Variants in FAM53A observed in about 807,000 individuals in gnomAD.
The protein encoded by FAM53A is family with sequence similarity 53 member A, also known as protein FAM53A.
A neutral mutation model predicts 26.6 loss-of-function variants in FAM53A; 28 were observed. The ratio of observed to expected loss-of-function variants is 1.05; its 90% CI spans 0.78 to 1.45. FAM53A has a LOEUF of 1.45. FAM53A is among the 40% of genes most tolerant of loss of function. The pLI is 0.00. For missense variants in FAM53A, 650 were observed against 575.8 expected, an observed-to-expected ratio of 1.13 and a Z score of -1.32; for synonymous variants, 290 against 253.1, an observed-to-expected ratio of 1.15 and a Z score of -1.38.
intron 2 of FAM53A, among the ~76,000 whole-genome samples, chr4:1,663,089 C>G (rs919217587): frequency 6.6e-6 from 1 of 152,000 alleles, no homozygotes; most frequent in African/African-American, 2.4e-5. Flanking sequence ...GTCCCAGCTA[C>G]TTGGGAGGCT....
At chr4:1,606,654 C>T in the FAM53A span, among the ~76,000 whole-genome samples, 1 of 152,202 alleles carries the variant, frequency 6.6e-6, no homozygotes, top group South Asian at 2.1e-4. Context: ...GCATGGTGTC[C>T]CGAAGGTGCG....
chr4:1,645,165 A>G (rs146739759), intron 4 of FAM53A, among the ~76,000 whole-genome samples: 1 of 152,006 alleles, frequency 6.6e-6, no homozygotes, highest in African/African-American at 2.4e-5. Context: ...CAGGCAGCCA[A>G]GCAGAGCCAA....
At chr4:1,613,866 T>C (rs78487305), downstream of FAM53A, among the ~76,000 whole-genome samples, 1,805 of 152,306 alleles carry the variant, frequency 0.012, 30 homozygotes, top group African/African-American at 0.041. Flanking sequence ...AGGATCATTA[T>C]ATGGAGAACA....
chr4:1,624,325 G>A (rs1442740407), intron 1 of FAM53A, among the ~76,000 whole-genome samples: 1 of 152,208 alleles, frequency 6.6e-6, no homozygotes, highest in Non-Finnish European at 1.5e-5. Context: ...GTCAGGCGCT[G>A]TGTCAAGGGA....
At chr4:1,648,439 G>A (rs1712438697) in intron 4 of FAM53A, among the ~76,000 whole-genome samples, 1 of 152,122 alleles carries the variant, frequency 6.6e-6, no homozygotes, top group African/African-American at 2.4e-5. Flanking sequence ...AAGAGGGAGA[G>A]CAGGCAGCCC....
chr4:1,658,928 C>G (rs1266032457), intron 2 of FAM53A, among the ~76,000 whole-genome samples: 3 of 152,236 alleles, frequency 2.0e-5, no homozygotes, highest in East Asian at 1.9e-4. Context: ...GCTTTTTTGC[C>G]TTAGAGTTGT....
intron 1 of FAM53A, among the ~76,000 whole-genome samples, chr4:1,678,686 G>A (rs1279802764): frequency 6.6e-6 from 1 of 152,070 alleles, no homozygotes; most frequent in Non-Finnish European, 1.5e-5. Context: ...GCCAGGCGTG[G>A]TGGCGTACAT....
chr4:1,649,199 A>AGGGGC (rs1373782326), intron 4 of FAM53A, among the ~76,000 whole-genome samples: 1 of 142,884 alleles, frequency 7.0e-6, no homozygotes, highest in African/African-American at 2.6e-5. Flanking sequence ...GGGAAGGGGA[A>AGGGGC]AGGGAAAGGG....
chr4:1,655,552 A>G lies in FAM53A; in HGVS notation c.308T>C (p.Val103Ala). ...CGAGCCTGTGCTTTCACTGGGGTCC[A>G]CGGTGCTGGCTGCACCCAGGCCTGC... Reference protein sequence around the residue: ...PGAGLGAASTVDPSESTGSST... With the variant: ...PGAGLGAASTADPSESTGSST... The change falls in exon 4 of 5, where the codon GTG (valine) becomes GCG (alanine). Residue 103 changes from valine to alanine, a missense_variant. Physicochemically the swap from Val to Ala is moderately conservative, Grantham distance 64. Coordinates refer to ENST00000308132, the MANE Select transcript of FAM53A (RefSeq NM_001174070.3). The G allele has an allele frequency of 1.9e-6, 3 of 1,570,110 alleles. No homozygotes were observed. Among genetic ancestry groups the G allele is most frequent in the Non-Finnish European group, 1.7e-6 (2 of 1,157,672 alleles).
rs891362914 is a variant in FAM53A, at chr4:1,659,737, C to T, written c.76-2269G>A. Among the ~76,000 whole-genome samples the T allele has an allele frequency of 6.6e-6, 1 of 152,204 alleles. No individual in the cohort carries two copies. Among genetic ancestry groups the T allele is most frequent in the African/African-American group, 2.4e-5 (1 of 41,452 alleles). ...GAGGCAGAAGTCCAAGATCAAGGGA[C>T]AGGCAGATTCAGTGTCTGGTAAGGC... is the stretch of plus-strand genomic sequence containing the variant. On this transcript the variant is annotated intron_variant, in intron 2 of 4. Transcript: ENST00000308132. The surrounding 1 kb of genome is among the most constrained non-coding windows in gnomAD (Gnocchi z 5.2).
chr4:1,639,269 C>T (rs1343573385), downstream of FAM53A, among the ~76,000 whole-genome samples: 3 of 152,168 alleles, frequency 2.0e-5, no homozygotes, highest in East Asian at 1.9e-4. Context: ...CTCAGAGCAC[C>T]GCCCGCCCCA....
chr4:1,575,341 GTTGGCATCATCCAATCTCCAC>G, the FAM53A span, among the ~76,000 whole-genome samples: 1 of 152,228 alleles, frequency 6.6e-6, no homozygotes, highest in Non-Finnish European at 1.5e-5. Context: ...CTGTGCCCGA[GTTGGCATCATCCAATCTCCAC>G]TTGGCATCAT....
chr4:1,655,067 G>C lies in FAM53A; in HGVS notation c.793C>G (p.Leu265Val), dbSNP rs1375030177. The C allele has an allele frequency of 5.6e-6, 9 of 1,600,320 alleles. No individual in the cohort carries two copies. In the South Asian group the frequency reaches 7.9e-5, roughly 14 times the overall value. The stretch of plus-strand genomic sequence containing the variant: ...TTGCGCCGGCTCCTCTTCCCACTGA[G>C]CACGCAAGGCTGTGAGCGGCACCGG... ...LLRCRSQPCVLSGKRSRRKRR... is the reference protein window; with the variant it reads ...LLRCRSQPCVVSGKRSRRKRR... The change falls in exon 4 of 5, where the codon CTC (leucine) becomes GTC (valine). Residue 265 changes from leucine (L) to valine (V), a missense_variant. Physicochemically the swap from Leu to Val is conservative, Grantham distance 32 (BLOSUM62 1). Transcript: ENST00000308132.
the FAM53A span, among the ~76,000 whole-genome samples, chr4:1,597,250 G>A: frequency 2.0e-5 from 3 of 152,078 alleles, no homozygotes; most frequent in South Asian, 2.1e-4. Context: ...TCCCCCTCGA[G>A]GGTCCCCTCA....
chr4:1,644,005 G>T (rs1247278123), intron 4 of FAM53A, among the ~76,000 whole-genome samples: 1 of 152,230 alleles, frequency 6.6e-6, no homozygotes, highest in Admixed American at 6.5e-5. Flanking sequence ...CCGGCATGAG[G>T]ATGTGGCTGG....
the FAM53A span, among the ~76,000 whole-genome samples, chr4:1,596,188 G>A: frequency 6.6e-6 from 1 of 152,216 alleles, no homozygotes; most frequent in Non-Finnish European, 1.5e-5. Context: ...CAGGGACCAT[G>A]CATGGTCTGG....
the FAM53A span, among the ~76,000 whole-genome samples, chr4:1,610,567 G>A: frequency 2.0e-5 from 3 of 152,168 alleles, no homozygotes; most frequent in Admixed American, 2.0e-4. Flanking sequence ...AGGACAACAG[G>A]GAGGGCAGTG....
chr4:1,579,958 A>T, the FAM53A span, among the ~76,000 whole-genome samples: 44,125 of 152,188 alleles, frequency 0.29, 6,947 homozygotes, highest in Admixed American at 0.38. Context: ...AAATAAAAAT[A>T]AAAAAGTTAA....
At chr4:1,603,287 C>T in the FAM53A span, among the ~76,000 whole-genome samples, 2 of 152,144 alleles carry the variant, frequency 1.3e-5, no homozygotes, top group Non-Finnish European at 2.9e-5. Context: ...TCGTCACCCA[C>T]GGGGAGGGGA....
Sources: allele counts gnomAD v4.1 joint callset (sites outside exome capture counted in the v4.1 genomes callset), GRCh38; gene constraint gnomAD v4.1.1; non-coding constraint Gnocchi (gnomAD v3.1); transcripts MANE v1.5; gene names NCBI Gene and HGNC (gene_info 2026-07-23, HGNC 2026-07-21).